The following AUTS2 variants were observed in gnomAD, a reference collection of about 807,000 sequenced individuals.
AUTS2 encodes autism susceptibility gene 2 protein.
A neutral mutation model predicts 112.4 loss-of-function variants in AUTS2; 17 were observed. The observed-to-expected ratio is 0.15, with a 90% CI of 0.10 to 0.23. The LOEUF (loss-of-function observed/expected upper bound fraction) is 0.23, where lower values mean the gene tolerates loss of function less well. Ranked by LOEUF, AUTS2 falls within the 10% of genes least tolerant of loss-of-function variation. The pLI is 1.00. For missense variants in AUTS2, 1,510 were observed against 1,701.6 expected (o/e 0.89, Z 1.98); for synonymous variants, 751 against 702.7 (o/e 1.07, Z -1.09).
chr7:69,806,795 A>T (rs1790328028), intron 1 of AUTS2, among the ~76,000 whole-genome samples: 1 of 152,182 alleles, frequency 6.6e-6, no homozygotes, highest in Admixed American at 6.5e-5. Flanking sequence ...ATCACACTCT[A>T]CTGTTTCTCT....
chr7:70,791,094 G>GCTTTCCCCCCCAGTCT lies in AUTS2; in HGVS notation c.*98_*99insCTTTCCCCCCCAGTCT. On this transcript the variant is annotated 3_prime_UTR_variant, in exon 19 of 19. Coordinates refer to ENST00000342771, the MANE Select transcript of AUTS2 (RefSeq NM_015570.4). ...TCCTGCATGGCTCACACAGACTGGG[G>GCTTTCCCCCCCAGTCT]GGGAAAGCCCCACCCCTTCCCCTTG... 2.4e-6 allele frequency: 3 copies of GCTTTCCCCCCCAGTCT among 1,261,908 alleles called. No individual in the cohort carries two copies. The highest frequency in any genetic ancestry group is 2.0e-6 in the Non-Finnish European group (2 of 980,136). The allele number at this position is 1,261,908 out of a possible 1,614,324, so 78.2% of individuals were successfully genotyped here. A position where few individuals can be genotyped will look rare whatever the true frequency, so the allele number is the denominator to read the frequency against.
chr7:70,593,322 T>C (rs1284498723), intron 5 of AUTS2, among the ~76,000 whole-genome samples: 1 of 152,214 alleles, frequency 6.6e-6, no homozygotes, highest in Non-Finnish European at 1.5e-5. Flanking sequence ...GTTGGTAATA[T>C]TCCTGTTTTT....
chr7:70,093,145 T>G (rs1296969869), intron 2 of AUTS2, among the ~76,000 whole-genome samples: 2 of 152,182 alleles, frequency 1.3e-5, no homozygotes, highest in Non-Finnish European at 2.9e-5. Flanking sequence ...AGTACCAGCA[T>G]TAATCCCATG....
At chr7:69,843,257 A>G (rs1431518702) in intron 1 of AUTS2, among the ~76,000 whole-genome samples, 1 of 152,182 alleles carries the variant, frequency 6.6e-6, no homozygotes, top group East Asian at 1.9e-4. Context: ...GAAGTGTTAC[A>G]TGAAAATGTA....
chr7:70,630,731 G>A (rs1473730673), intron 5 of AUTS2, among the ~76,000 whole-genome samples: 4 of 152,196 alleles, frequency 2.6e-5, no homozygotes, highest in African/African-American at 4.8e-5. Context: ...AAAGTCAGTC[G>A]TGCCTTTGAG....
chr7:69,748,978 TAGA>T (rs1404839489), intron 1 of AUTS2, among the ~76,000 whole-genome samples: 1 of 152,088 alleles, frequency 6.6e-6, no homozygotes. Context: ...TGGGGTGAGG[TAGA>T]AGGAGCATGG....
chr7:70,006,578 A>G lies in AUTS2; in HGVS notation c.522+107080A>G, dbSNP rs113716736. 4.2e-4 allele frequency among the ~76,000 whole-genome samples: 64 copies of G among 152,290 alleles called. 5 individuals carry two copies. Among genetic ancestry groups the G allele is most frequent in the African/African-American group, 1.4e-3 (60 of 41,552 alleles). ...CCAACATCTTGCTACTTCTTGCACC[A>G]GCTGCTGCTGCTGTTGTTTTTTTTA... On this transcript the variant is annotated intron_variant, in intron 2 of 18. Transcript: ENST00000342771.
In AUTS2 at chr7:70,379,121, G is replaced by A. The variant is rs183911613; in HGVS notation, c.661-56631G>A. ...ACTACCTGTAGTCACTTTGGGATAG[G>A]TACTGTGCCTTCAACCATCTTTGAA... On this transcript the variant is annotated intron_variant, in intron 4 of 18. Transcript: ENST00000342771. Among the ~76,000 whole-genome samples, 15 of 152,152 alleles carry A rather than the reference G, an allele frequency of 9.9e-5. No individual in the cohort carries two copies. In the East Asian group the frequency reaches 2.9e-3, roughly 29 times the overall value.
In AUTS2 at chr7:70,120,020, G is replaced by A. The variant is rs541601561; in HGVS notation, c.624+1787G>A. On this transcript the variant is annotated intron_variant, in intron 3 of 18. Coordinates refer to ENST00000342771, the MANE Select transcript of AUTS2 (RefSeq NM_015570.4). ...ATTGATGTCTATAATTTTTAAATAC[G>A]TGGATTTAAGGAGTGTATACTCAAA... The A allele has an allele frequency of 2.0e-5, 3 of 152,160 alleles. No homozygotes were observed. The East Asian group carries it at 5.8e-4, about 29-fold the overall frequency. The allele number at this position is 152,160 out of a possible 1,614,324, so 9.4% of individuals were successfully genotyped here.
intron 1 of AUTS2, among the ~76,000 whole-genome samples, chr7:69,789,254 G>A (rs1029548999): frequency 6.6e-6 from 1 of 152,062 alleles, no homozygotes; most frequent in Non-Finnish European, 1.5e-5. Context: ...TCAGAATTAC[G>A]TGGGGGCACT....
intron 2 of AUTS2, among the ~76,000 whole-genome samples, chr7:69,973,090 C>T (rs1405566788): frequency 6.6e-6 from 1 of 151,722 alleles, no homozygotes. Flanking sequence ...AGGTTTGTCT[C>T]TCCGTTTATT....
chr7:70,561,544 T>C (rs1369328673), intron 5 of AUTS2, among the ~76,000 whole-genome samples: 1 of 152,164 alleles, frequency 6.6e-6, no homozygotes, highest in African/African-American at 2.4e-5. Flanking sequence ...AAGGATTGCT[T>C]GAGCCCAGGA....
chr7:69,663,606 G>A (rs1795901594), intron 1 of AUTS2, among the ~76,000 whole-genome samples: 1 of 152,180 alleles, frequency 6.6e-6, no homozygotes, highest in Non-Finnish European at 1.5e-5. Context: ...GGATTGGGTT[G>A]TGTATACCTT....
intron 4 of AUTS2, among the ~76,000 whole-genome samples, chr7:70,239,048 G>C (rs1289794158): frequency 6.6e-6 from 1 of 152,172 alleles, no homozygotes; most frequent in Non-Finnish European, 1.5e-5. Flanking sequence ...TAGTTTCGTT[G>C]AGCAGATACT....
chr7:69,660,147 C>G (rs1310847462), intron 1 of AUTS2, among the ~76,000 whole-genome samples: 1 of 152,192 alleles, frequency 6.6e-6, no homozygotes, highest in Non-Finnish European at 1.5e-5. Context: ...GCTCCACATT[C>G]TTTGGGTTTG....
intron 16 of AUTS2, 116 bp from the exon 17 acceptor site, chr7:70,785,839 G>A (rs527346448): frequency 3.3e-6 from 3 of 905,810 alleles, no homozygotes; most frequent in African/African-American, 3.3e-5. Context: ...AGTGGGACAG[G>A]CCAGGTGGGG....
intron 2 of AUTS2, among the ~76,000 whole-genome samples, chr7:70,098,414 G>A (rs368447469): frequency 6.6e-6 from 1 of 152,176 alleles, no homozygotes; most frequent in Non-Finnish European, 1.5e-5. Flanking sequence ...CCCTTGCGGG[G>A]CTGGGAGTCC....
At chr7:70,082,765 G>A (rs1186971380) in intron 2 of AUTS2, among the ~76,000 whole-genome samples, 2 of 152,146 alleles carry the variant, frequency 1.3e-5, no homozygotes, top group Non-Finnish European at 2.9e-5. Flanking sequence ...TGTCAACAGA[G>A]TACCTTCTTG....
intron 2 of AUTS2, among the ~76,000 whole-genome samples, chr7:69,976,925 A>G (rs1045078541): frequency 6.6e-6 from 1 of 152,094 alleles, no homozygotes; most frequent in African/African-American, 2.4e-5. Context: ...CCTTTGATGA[A>G]CAAAAGTTTT....
Sources: gnomAD v4.1 joint callset for allele counts (sites outside exome capture counted in the v4.1 genomes callset) on GRCh38, gnomAD v4.1.1 for gene constraint, MANE v1.5 for transcripts, NCBI Gene and HGNC (gene_info 2026-07-23, HGNC 2026-07-21) for gene names.